The following NEMP2 variants were observed in gnomAD, a reference collection of about 807,000 sequenced individuals.
NEMP2 encodes nuclear envelope integral membrane protein 2.
Under a neutral mutation model 54.2 loss-of-function variants are expected in NEMP2, and 53 were observed. That is an observed-to-expected ratio of 0.98 (90% CI 0.78 to 1.23). NEMP2 has a LOEUF of 1.23. Ranked by LOEUF, NEMP2 falls within the 50% of genes most tolerant of loss-of-function variation. The probability of loss-of-function intolerance (pLI) is 0.00; values close to 1 mark genes in which losing one functional copy is unlikely to be tolerated. For synonymous variants in NEMP2, 197 were observed against 190.3 expected, an observed-to-expected ratio of 1.04 and a Z score of -0.29; for missense variants, 455 against 511.3, an observed-to-expected ratio of 0.89 and a Z score of 1.06.
chr2:190,526,913 T>G (rs997601397), intron 1 of NEMP2, among the ~76,000 whole-genome samples: 2 of 152,086 alleles, frequency 1.3e-5, no homozygotes, highest in Non-Finnish European at 2.9e-5. Flanking sequence ...GAAAGAGAGA[T>G]ATATATTAAC....
At chr2:190,480,515 T>G in the NEMP2 span, among the ~76,000 whole-genome samples, 1 of 152,230 alleles carries the variant, frequency 6.6e-6, no homozygotes, top group African/African-American at 2.4e-5. Flanking sequence ...CTTCCTAGGA[T>G]GACATCTTGC....
the NEMP2 span, among the ~76,000 whole-genome samples, chr2:190,542,530 G>A: frequency 8.5e-5 from 13 of 152,126 alleles, no homozygotes; most frequent in South Asian, 2.7e-3. This position sits in a 1 kb window ranked among gnomAD's most constrained non-coding sequence, Gnocchi z 4.6. Flanking sequence ...TGATTTTTGA[G>A]GTAACTTTCT....
chr2:190,565,533 G>A, the NEMP2 span, among the ~76,000 whole-genome samples: 1 of 152,174 alleles, frequency 6.6e-6, no homozygotes, highest in South Asian at 2.1e-4. Flanking sequence ...ATCTGTGGAA[G>A]GATACAGAAT....
the NEMP2 span, among the ~76,000 whole-genome samples, chr2:190,462,520 C>T: frequency 6.6e-6 from 1 of 152,158 alleles, no homozygotes; most frequent in Non-Finnish European, 1.5e-5. The surrounding 1 kb of genome is among the most constrained non-coding windows in gnomAD (Gnocchi z 5.7). Context: ...AGTGCCTGAG[C>T]AAGGCAGGCT....
the NEMP2 span, among the ~76,000 whole-genome samples, chr2:190,579,946 A>G: frequency 6.6e-6 from 1 of 152,176 alleles, no homozygotes; most frequent in Non-Finnish European, 1.5e-5. Flanking sequence ...CGTTTGAGAG[A>G]TGGTAGAGGA....
the NEMP2 span, among the ~76,000 whole-genome samples, chr2:190,466,679 A>G: frequency 6.6e-6 from 1 of 152,246 alleles, no homozygotes; most frequent in Non-Finnish European, 1.5e-5. Flanking sequence ...CCCACTTGAT[A>G]TATGAGGAAA....
chr2:190,430,083 G>A, the NEMP2 span, among the ~76,000 whole-genome samples: 1 of 149,880 alleles, frequency 6.7e-6, no homozygotes, highest in Admixed American at 6.8e-5. Context: ...ACCTATAAGT[G>A]AGAACATGTG....
chr2:190,526,733 T>A (rs973005779), intron 1 of NEMP2, among the ~76,000 whole-genome samples: 1 of 151,930 alleles, frequency 6.6e-6, no homozygotes, highest in Non-Finnish European at 1.5e-5. Flanking sequence ...TACAGGGAAG[T>A]GGGGGTGAGT....
chr2:190,422,170 T>C, the NEMP2 span, among the ~76,000 whole-genome samples: 2 of 152,250 alleles, frequency 1.3e-5, no homozygotes, highest in African/African-American at 2.4e-5. Flanking sequence ...TTATCAGTTA[T>C]TCATCCTTGA....
the NEMP2 span, among the ~76,000 whole-genome samples, chr2:190,486,667 G>C: frequency 6.6e-6 from 1 of 152,152 alleles, no homozygotes; most frequent in African/African-American, 2.4e-5. Context: ...TTTAGTCCCT[G>C]TTATTCCATT....
At chr2:190,439,625 C>T in the NEMP2 span, among the ~76,000 whole-genome samples, 10 of 152,132 alleles carry the variant, frequency 6.6e-5, no homozygotes, top group Non-Finnish European at 1.0e-4. The surrounding 1 kb of genome is among the most constrained non-coding windows in gnomAD (Gnocchi z 5.8). Flanking sequence ...ATTAGTTACT[C>T]ATCATTTCAA....
chr2:190,563,838 A>G, the NEMP2 span, among the ~76,000 whole-genome samples: 1 of 152,232 alleles, frequency 6.6e-6, no homozygotes, highest in East Asian at 1.9e-4. The surrounding 1 kb of genome is among the most constrained non-coding windows in gnomAD (Gnocchi z 4.3). Flanking sequence ...CCAATACCAG[A>G]AACAAGGGCC....
chr2:190,559,847 A>G, the NEMP2 span, among the ~76,000 whole-genome samples: 1 of 152,160 alleles, frequency 6.6e-6, no homozygotes, highest in Non-Finnish European at 1.5e-5. This position sits in a 1 kb window ranked among gnomAD's most constrained non-coding sequence, Gnocchi z 4.0. Flanking sequence ...CCAGGGAGGT[A>G]GCTGGCACCC....
chr2:190,435,798 T>A, the NEMP2 span: 1 of 527,644 alleles, frequency 1.9e-6, no homozygotes, highest in South Asian at 3.5e-5. Context: ...GAGTATTCGA[T>A]TTTTTTAAAA....
upstream of NEMP2, among the ~76,000 whole-genome samples, chr2:190,537,353 CGTGGGAGGGACCCA>C (rs1559174376): frequency 1.3e-5 from 2 of 152,120 alleles, no homozygotes; most frequent in African/African-American, 4.8e-5. Context: ...CCCCACACAT[CGTGGGAGGGACCCA>C]GTGGGAGGTA....
At chr2:190,560,060 C>T in the NEMP2 span, among the ~76,000 whole-genome samples, 1 of 152,156 alleles carries the variant, frequency 6.6e-6, no homozygotes, top group Admixed American at 6.5e-5. This position sits in a 1 kb window ranked among gnomAD's most constrained non-coding sequence, Gnocchi z 5.4. Context: ...GGGCCAGACT[C>T]AGGACATAAA....
the NEMP2 span, chr2:190,454,629 A>T: frequency 6.6e-6 from 1 of 152,198 alleles, no homozygotes; most frequent in African/African-American, 2.4e-5. The surrounding 1 kb of genome is among the most constrained non-coding windows in gnomAD (Gnocchi z 4.6). Context: ...CCTCACCAGA[A>T]CCCAGACATG....
chr2:190,445,704 G>A, the NEMP2 span, among the ~76,000 whole-genome samples: 34,958 of 151,914 alleles, frequency 0.23, 4,955 homozygotes, highest in South Asian at 0.33. Flanking sequence ...CTGGTACCTT[G>A]GTTTAAAAAT....
At chr2:190,603,381 G>A in the NEMP2 span, among the ~76,000 whole-genome samples, 8 of 151,896 alleles carry the variant, frequency 5.3e-5, no homozygotes, top group East Asian at 5.8e-4. Context: ...CAGTGATTAC[G>A]TAATGGTTGC....
Sources: allele counts gnomAD v4.1 joint callset (sites outside exome capture counted in the v4.1 genomes callset), GRCh38; gene constraint gnomAD v4.1.1; non-coding constraint Gnocchi (gnomAD v3.1); transcripts MANE v1.5; gene names NCBI Gene and HGNC (gene_info 2026-07-23, HGNC 2026-07-21).